LINGO2: variants seen among roughly 807,000 people sequenced by gnomAD.
The protein encoded by LINGO2 is leucine rich repeat and Ig domain containing 2.
In LINGO2, 14 loss-of-function variants were observed where a neutral mutation model predicts 30.6. The observed-to-expected ratio is 0.46, with a 90% confidence interval of 0.30 to 0.72. The LOEUF (loss-of-function observed/expected upper bound fraction) is 0.72, where lower values mean the gene tolerates loss of function less well. LINGO2 is among the 30% of genes least tolerant of loss of function. The pLI is 0.07. For synonymous variants in LINGO2, 317 were observed against 288.5 expected (o/e 1.10, Z -1.00); for missense variants, 729 against 751.7 (o/e 0.97, Z 0.35).
chr9:28,273,501 G>A (rs530003114), intron 4 of LINGO2, among the ~76,000 whole-genome samples: 5 of 152,306 alleles, frequency 3.3e-5, no homozygotes, highest in East Asian at 1.9e-4. Context: ...CCCAAAGTCC[G>A]AAAATGCCCA....
At chr9:28,459,749 A>G (rs1251874107) in intron 2 of LINGO2, among the ~76,000 whole-genome samples, 2 of 152,072 alleles carry the variant, frequency 1.3e-5, no homozygotes, top group Admixed American at 6.6e-5. Context: ...CATTCTTATA[A>G]GACTGTTGCC....
chr9:28,291,746 T>C (rs771186874), intron 4 of LINGO2, among the ~76,000 whole-genome samples: 16 of 152,194 alleles, frequency 1.1e-4, no homozygotes, highest in Non-Finnish European at 1.5e-4. Flanking sequence ...GAATATCAGA[T>C]GATGCAGAGA....
chr9:28,963,404 C>T, the LINGO2 span, among the ~76,000 whole-genome samples: 2 of 151,642 alleles, frequency 1.3e-5, no homozygotes, highest in African/African-American at 4.8e-5. Context: ...GGGTATGTAT[C>T]GAAAGGTAAG....
chr9:28,686,060 T>A, the LINGO2 span, among the ~76,000 whole-genome samples: 3 of 151,852 alleles, frequency 2.0e-5, no homozygotes, highest in African/African-American at 7.3e-5. Flanking sequence ...ATACATTGGA[T>A]AGTTTTAAAA....
At chr9:28,418,195 T>G (rs1011581672) in intron 2 of LINGO2, among the ~76,000 whole-genome samples, 5 of 152,076 alleles carry the variant, frequency 3.3e-5, no homozygotes, top group African/African-American at 1.2e-4. Flanking sequence ...GCACTGAATA[T>G]TTAAGAATCC....
chr9:28,066,439 A>G (rs1825316134), intron 4 of LINGO2, among the ~76,000 whole-genome samples: 1 of 152,134 alleles, frequency 6.6e-6, no homozygotes, highest in Non-Finnish European at 1.5e-5. Flanking sequence ...TGCTTAGAGA[A>G]AAAGCTTCTC....
At chr9:28,749,824 C>G in the LINGO2 span, among the ~76,000 whole-genome samples, 1 of 151,920 alleles carries the variant, frequency 6.6e-6, no homozygotes, top group Non-Finnish European at 1.5e-5. Context: ...TAAAATAAAG[C>G]TCACAACCAA....
chr9:28,039,845 T>A (rs548443321), intron 4 of LINGO2, among the ~76,000 whole-genome samples: 44 of 152,290 alleles, frequency 2.9e-4, no homozygotes, highest in African/African-American at 1.0e-3. Flanking sequence ...AGAATTTCCA[T>A]TTCTGTTGTC....
chr9:28,189,245 G>GAGGA (rs1564028540), intron 4 of LINGO2, among the ~76,000 whole-genome samples: 5 of 110,818 alleles, frequency 4.5e-5, no homozygotes, highest in Non-Finnish European at 7.6e-5. Context: ...AAAAGGAAGG[G>GAGGA]AGGAAGGGAG....
At position 28,028,173 on chromosome 9, in the gene LINGO2, A is replaced by T. The variant is rs549931283; in HGVS notation, c.-86-15768T>A. ...ACTCTCTTGACCGGTGTTTTAAGAT[A>T]ATGAAGCTAAGTTTAGGCTTATATA... On this transcript the variant is annotated intron_variant, in intron 4 of 5. Coordinates refer to ENST00000379992, the Ensembl canonical transcript of LINGO2. Among the ~76,000 whole-genome samples the T allele has an allele frequency of 1.9e-3, 286 of 152,316 alleles. 2 individuals carry two copies. The highest frequency in any genetic ancestry group is 0.014 in the Middle Eastern group (4 of 294).
chr9:28,714,153 A>G, the LINGO2 span, among the ~76,000 whole-genome samples: 1 of 143,192 alleles, frequency 7.0e-6, no homozygotes, highest in Non-Finnish European at 1.5e-5. Context: ...GAGTGAAACT[A>G]TGCCTCAAAT....
chr9:28,812,050 C>A, the LINGO2 span, among the ~76,000 whole-genome samples: 2 of 150,712 alleles, frequency 1.3e-5, no homozygotes, highest in East Asian at 3.9e-4. Context: ...GAGTTTTAAC[C>A]TTTGGCTTCA....
chr9:28,426,366 T>A (rs900064254), intron 2 of LINGO2, among the ~76,000 whole-genome samples: 1 of 152,100 alleles, frequency 6.6e-6, no homozygotes, highest in Non-Finnish European at 1.5e-5. Flanking sequence ...TAATCTCATA[T>A]ATCTGAAAAA....
At chr9:28,731,208 T>C in the LINGO2 span, among the ~76,000 whole-genome samples, 147 of 152,090 alleles carry the variant, frequency 9.7e-4, no homozygotes, top group African/African-American at 3.2e-3. Context: ...AGGCTGGTCT[T>C]GAACTCCCAA....
At chr9:29,002,183 G>A in the LINGO2 span, among the ~76,000 whole-genome samples, 7 of 151,942 alleles carry the variant, frequency 4.6e-5, no homozygotes, top group Admixed American at 6.6e-5. Context: ...TTATACCACA[G>A]AATCCTCCAA....
At chr9:28,821,165 G>A in the LINGO2 span, among the ~76,000 whole-genome samples, 6 of 143,872 alleles carry the variant, frequency 4.2e-5, no homozygotes, top group East Asian at 4.4e-4. Flanking sequence ...TAGCCCTTGC[G>A]AACAAAGTGA....
At chr9:29,175,746 C>T in the LINGO2 span, among the ~76,000 whole-genome samples, 6 of 151,890 alleles carry the variant, frequency 4.0e-5, no homozygotes, top group South Asian at 6.2e-4. Flanking sequence ...AGGATGGTCT[C>T]GATCTCCTGA....
chr9:28,343,014 A>T (rs1819416110), intron 3 of LINGO2, among the ~76,000 whole-genome samples: 1 of 152,126 alleles, frequency 6.6e-6, no homozygotes, highest in Non-Finnish European at 1.5e-5. Context: ...GGGATTGCAA[A>T]ATTGGTTTAA....
At chr9:28,435,299 C>G (rs1336570671) in intron 2 of LINGO2, among the ~76,000 whole-genome samples, 2 of 152,138 alleles carry the variant, frequency 1.3e-5, no homozygotes, top group African/African-American at 4.8e-5. Flanking sequence ...ATTTAACACT[C>G]TAGTACCTTT....
Sources: gnomAD v4.1 joint callset for allele counts (sites outside exome capture counted in the v4.1 genomes callset) on GRCh38, gnomAD v4.1.1 for gene constraint, MANE v1.5 for transcripts, NCBI Gene and HGNC (gene_info 2026-07-23, HGNC 2026-07-21) for gene names.